Variants in CD109 observed in about 807,000 individuals in gnomAD.
CD109 encodes CD109 antigen.
In CD109, 149 loss-of-function variants were observed where a neutral mutation model predicts 165.8. The ratio of observed to expected loss-of-function variants is 0.90; its 90% confidence interval spans 0.79 to 1.03. The LOEUF is 1.03. Among genes scored for constraint, CD109 ranks in the 50% least tolerant of loss-of-function variants. The pLI is 0.00. For missense variants in CD109, 1,712 were observed against 1,677.8 expected, an observed-to-expected ratio of 1.02 and a Z score of -0.36; for synonymous variants, 585 against 592.1, an observed-to-expected ratio of 0.99 and a Z score of 0.18.
chr6:73,682,082 C>T, the CD109 span, among the ~76,000 whole-genome samples: 14 of 152,054 alleles, frequency 9.2e-5, no homozygotes, highest in South Asian at 2.1e-4. Context: ...CATTCCACCC[C>T]GGCCCCTCCC....
chr6:73,769,101 G>A (rs1214174971), intron 14 of CD109, among the ~76,000 whole-genome samples: 1 of 152,008 alleles, frequency 6.6e-6, no homozygotes, highest in African/African-American at 2.4e-5. Context: ...TGTTGCTCAG[G>A]TTGGTCTCTA....
At chr6:73,721,781 G>A (rs879306220) in intron 2 of CD109, among the ~76,000 whole-genome samples, 1 of 152,016 alleles carries the variant, frequency 6.6e-6, no homozygotes, top group African/African-American at 2.4e-5. Flanking sequence ...CTGTTGCCCA[G>A]GCTGTAGTGC....
Position 73,792,164 on chromosome 6 carries a change from T to C in CD109, c.2702-462T>C, listed in dbSNP as rs930348337. Among the ~76,000 whole-genome samples the C allele has an allele frequency of 4.6e-5, 7 of 152,328 alleles. No individual in the cohort carries two copies. The East Asian group carries it at 9.6e-4, about 21-fold the overall frequency. On this transcript the variant is annotated intron_variant, in intron 22 of 32. Transcript: ENST00000287097. ...ATTTGTTGTTACTAAACAGAACACA[T>C]TGGAAAACACTACAATCCTCATTGT...
Position 73,730,357 on chromosome 6 carries a change from G to A in CD109, c.290G>A (p.Ser97Asn). Residue 97 changes from serine (S) to asparagine (N), a missense_variant, in exon 4 of 33, where the codon AGT (serine) becomes AAT (asparagine). Ser to Asn is a conservative substitution (Grantham distance 46). Coordinates refer to ENST00000287097, the MANE Select transcript of CD109 (RefSeq NM_133493.5). The part of the protein sequence containing the change: ...TLTLPSLPLN[S>N]ADEIYELRVT... The stretch of plus-strand genomic sequence containing the variant: ...TTTTCCCCCCAGCTACCTCTGAACA[G>A]TGCAGATGAGATTTATGAGCTACGT... The A allele has an allele frequency of 2.5e-6, 4 of 1,611,040 alleles. No individual in the cohort carries two copies. The highest frequency in any genetic ancestry group is 1.7e-6 in the Non-Finnish European group (2 of 1,177,234).
intron 7 of CD109, among the ~76,000 whole-genome samples, chr6:73,761,208 A>C (rs1773617492): frequency 6.6e-6 from 1 of 152,210 alleles, no homozygotes; most frequent in Non-Finnish European, 1.5e-5. Flanking sequence ...CTTCCTCGCT[A>C]ATATTGGAAC....
chr6:73,806,642 T>C (rs1775576135), intron 24 of CD109, among the ~76,000 whole-genome samples: 1 of 152,214 alleles, frequency 6.6e-6, no homozygotes, highest in South Asian at 2.1e-4. Flanking sequence ...TGGAAACCAG[T>C]TCTGCCTGCT....
intron 5 of CD109, among the ~76,000 whole-genome samples, chr6:73,749,618 T>C (rs142174994): frequency 5.4e-4 from 82 of 152,336 alleles, no homozygotes; most frequent in African/African-American, 1.9e-3. Flanking sequence ...CAATCAGTGA[T>C]GCAAATTTCA....
In CD109 at chr6:73,811,153, G is replaced by A. The variant is rs1474791218; in HGVS notation, c.3702+6G>A. Reference sequence around the variant, plus strand: ...TACTCCTTCAGACAGCAGAGGTGTGGGCAAGGGGCAGTTATTTAAAAATCA... The same window carrying A: ...TACTCCTTCAGACAGCAGAGGTGTGAGCAAGGGGCAGTTATTTAAAAATCA... On this transcript the variant is annotated splice_donor_region_variant and intron_variant, in intron 28 of 32. Transcript: ENST00000287097. The A allele has an allele frequency of 1.9e-6, 3 of 1,608,954 alleles. No homozygotes were observed. The African/African-American group carries it at 4.0e-5, about 22-fold the overall frequency.
intron 2 of CD109, among the ~76,000 whole-genome samples, chr6:73,720,614 G>A (rs1450395502): frequency 6.6e-6 from 1 of 151,974 alleles, no homozygotes; most frequent in Non-Finnish European, 1.5e-5. Flanking sequence ...TCATCTATAT[G>A]TCGCATACCA....
chr6:73,699,327 A>G (rs1582026539), intron 2 of CD109, among the ~76,000 whole-genome samples: 1 of 152,184 alleles, frequency 6.6e-6, no homozygotes, highest in Non-Finnish European at 1.5e-5. Context: ...TACCTATATA[A>G]CAAACCTGCA....
chr6:73,752,657 G>A (rs1452715405), intron 5 of CD109, among the ~76,000 whole-genome samples: 1 of 152,194 alleles, frequency 6.6e-6, no homozygotes, highest in African/African-American at 2.4e-5. Context: ...TTTTAAGAGA[G>A]AGCTTTCCCC....
intron 2 of CD109, among the ~76,000 whole-genome samples, chr6:73,716,686 T>C (rs550264735): frequency 6.6e-6 from 1 of 152,368 alleles, no homozygotes; most frequent in South Asian, 2.1e-4. Context: ...TATTAATCCC[T>C]TGTGAGATGA....
At chr6:73,696,391 C>G in intron 1 of CD109, 102 bp downstream of exon 1, 1 of 1,021,268 alleles carries the variant, frequency 9.8e-7, no homozygotes, top group East Asian at 3.3e-5. Flanking sequence ...TGTGCAGCAG[C>G]GGGTGGGAAA....
chr6:73,735,989 A>G (rs908292691), intron 4 of CD109, among the ~76,000 whole-genome samples: 4 of 152,170 alleles, frequency 2.6e-5, no homozygotes, highest in Non-Finnish European at 5.9e-5. Flanking sequence ...TTCATGTAGA[A>G]GGAAATAGGG....
Position 73,787,263 on chromosome 6 carries a change from A to C in CD109, c.2367A>C (p.Lys789Asn), listed in dbSNP as rs1274677941. The change falls in exon 21 of 33, where the codon AAA becomes AAC. Residue 789 changes from lysine (K) to asparagine (N), a missense_variant. Coordinates refer to ENST00000287097, the MANE Select transcript of CD109 (RefSeq NM_133493.5). Reference sequence around the variant, plus strand: ...AGGTAATCATTGAGAAAAGTGACAAATTTGATATTCTAATGACTTCAAATG... The same window carrying C: ...AGGTAATCATTGAGAAAAGTGACAACTTTGATATTCTAATGACTTCAAATG... The part of the protein sequence containing the change: ...EVKVIIEKSD[K>N]FDILMTSNEI... The C allele has an allele frequency of 1.2e-6, 2 of 1,613,346 alleles. No homozygotes were observed. Among genetic ancestry groups the C allele is most frequent in the East Asian group, 4.5e-5 (2 of 44,884 alleles).
At chr6:73,725,267 C>T (rs1186481791) in intron 3 of CD109, among the ~76,000 whole-genome samples, 2 of 152,090 alleles carry the variant, frequency 1.3e-5, no homozygotes, top group East Asian at 3.9e-4. Flanking sequence ...GAAAATAAAT[C>T]CTGTGTCGTA....
At chr6:73,761,437 G>A (rs946302359) in intron 7 of CD109, among the ~76,000 whole-genome samples, 3 of 152,192 alleles carry the variant, frequency 2.0e-5, no homozygotes, top group Admixed American at 6.5e-5. Flanking sequence ...TGGGCAGAGT[G>A]TGTGTTAAGA....
chr6:73,713,086 C>G (rs1012341335), intron 2 of CD109, among the ~76,000 whole-genome samples: 24 of 152,108 alleles, frequency 1.6e-4, no homozygotes, highest in African/African-American at 5.6e-4. Context: ...TGCCCCCACT[C>G]TCCTCCCCGC....
chr6:73,767,161 A>G (rs1773885588), intron 13 of CD109, 151 bp downstream of exon 13: 1 of 668,450 alleles, frequency 1.5e-6, no homozygotes, highest in East Asian at 2.7e-5. Flanking sequence ...CCCAGGTATT[A>G]ATCCTAGTAC....
Sources: gnomAD v4.1 joint callset for allele counts (sites outside exome capture counted in the v4.1 genomes callset) on GRCh38, gnomAD v4.1.1 for gene constraint, MANE v1.5 for transcripts, NCBI Gene and HGNC (gene_info 2026-07-23, HGNC 2026-07-21) for gene names.